Variants in RREB1 observed in about 807,000 individuals in gnomAD.
RREB1 encodes ras responsive element binding protein 1.
RREB1 carries 27 observed loss-of-function variants against 117.8 expected under a neutral mutation model. The ratio of observed to expected loss-of-function variants is 0.23; its 90% CI spans 0.17 to 0.32. The LOEUF (loss-of-function observed/expected upper bound fraction) is 0.32, where lower values mean the gene tolerates loss of function less well. RREB1 is among the 10% of genes least tolerant of loss of function. The pLI, the probability that RREB1 is intolerant of heterozygous loss-of-function variation, is 1.00. For synonymous variants in RREB1, 1,298 were observed against 1,026.7 expected (o/e 1.26, Z -5.05); for missense variants, 2,577 against 2,378.2 (o/e 1.08, Z -1.74).
chr6:7,242,650 C>T (rs554103574), intron 11 of RREB1, among the ~76,000 whole-genome samples: 3 of 150,246 alleles, frequency 2.0e-5, no homozygotes, highest in East Asian at 2.0e-4. Flanking sequence ...GTTCCCCCCC[C>T]CCAGTGAAGT....
chr6:7,230,932 A>G lies in RREB1; in HGVS notation c.2833A>G (p.Lys945Glu), dbSNP rs761054439. 1.2e-6 allele frequency: 2 copies of G among 1,614,040 alleles called. No individual in the cohort carries two copies. Among genetic ancestry groups the G allele is most frequent in the Admixed American group, 3.3e-5 (2 of 60,002 alleles). ...IDLSIPKNFRKGDKDLATPSE... is the reference protein window; with the variant it reads ...IDLSIPKNFREGDKDLATPSE... ...CCTGTCCATCCCCAAGAACTTCAGG[A>G]AAGGGGACAAGGATTTGGCCACTCC... is the stretch of plus-strand genomic sequence containing the variant. Residue 945 changes from lysine (K) to glutamate (E), a missense_variant, in exon 10 of 13, where the codon AAA becomes GAA. Lys to Glu is a moderately conservative substitution (Grantham distance 56, BLOSUM62 1). Transcript: ENST00000379938.
chr6:7,132,195 C>T (rs181436139), intron 1 of RREB1, among the ~76,000 whole-genome samples: 173 of 152,230 alleles, frequency 1.1e-3, no homozygotes, highest in Middle Eastern at 0.01. Flanking sequence ...GCTGGGATTA[C>T]AGGCATGCGC....
At chr6:7,175,088 T>G (rs1484700831) in intron 1 of RREB1, among the ~76,000 whole-genome samples, 1 of 152,164 alleles carries the variant, frequency 6.6e-6, no homozygotes, top group East Asian at 1.9e-4. Flanking sequence ...TGTTATTAAT[T>G]AAAATATGAA....
chr6:7,139,912 T>G (rs941578808), intron 1 of RREB1, among the ~76,000 whole-genome samples: 1 of 152,244 alleles, frequency 6.6e-6, no homozygotes, highest in African/African-American at 2.4e-5. Context: ...AACAGAACTT[T>G]GCCTTTTTCA....
chr6:7,128,998 A>G (rs1403592048), intron 1 of RREB1, among the ~76,000 whole-genome samples: 1 of 152,230 alleles, frequency 6.6e-6, no homozygotes, highest in Non-Finnish European at 1.5e-5. Flanking sequence ...TGAGCTTAAC[A>G]CATTATTTGA....
At chr6:7,188,815 C>T (rs1360171708) in intron 5 of RREB1, among the ~76,000 whole-genome samples, 2 of 152,130 alleles carry the variant, frequency 1.3e-5, no homozygotes, top group African/African-American at 4.8e-5. Flanking sequence ...GGACATATTT[C>T]CTTCACTGTT....
rs1767760739 is a variant in RREB1 at position 7,229,169 on chromosome 6, C to A, written c.1070C>A (p.Ala357Asp). Reference sequence around the variant, plus strand: ...CAGGCCACGCCCCTGCCTGGTGACGCCCTGGACCAGAAGGGCTTCCTGGCC... The same window carrying A: ...CAGGCCACGCCCCTGCCTGGTGACGACCTGGACCAGAAGGGCTTCCTGGCC... ...KPQATPLPGD[A>D]LDQKGFLALL... Residue 357 changes from alanine (A) to aspartate (D), a missense_variant, in exon 10 of 13, where the codon GCC becomes GAC. Ala to Asp is a moderately radical substitution (Grantham distance 126, BLOSUM62 -2). Transcript: ENST00000379938. This position sits in a 1 kb window ranked among gnomAD's most constrained non-coding sequence, Gnocchi z 4.5. 1 of 1,610,512 alleles carries A rather than the reference C, an allele frequency of 6.2e-7. No individual in the cohort carries two copies. Among genetic ancestry groups the A allele is most frequent in the Middle Eastern group, 1.7e-4 (1 of 6,042 alleles).
chr6:7,120,738 G>C (rs1230267890), intron 1 of RREB1, among the ~76,000 whole-genome samples: 1 of 150,250 alleles, frequency 6.7e-6, no homozygotes, highest in African/African-American at 2.5e-5. Context: ...CCTCGACCTC[G>C]TGGGCCCAAG....
At chr6:7,148,241 A>G (rs1303247407) in intron 1 of RREB1, among the ~76,000 whole-genome samples, 2 of 152,174 alleles carry the variant, frequency 1.3e-5, no homozygotes, top group African/African-American at 2.4e-5. Flanking sequence ...TACTGTAGAT[A>G]CAGCCCTGGC....
chr6:7,181,618 C>T lies in RREB1; in HGVS notation c.-42-252C>T, dbSNP rs564503959. 41 of 579,012 alleles carry T rather than the reference C, an allele frequency of 7.1e-5. No homozygotes were observed. The Admixed American group carries it at 1.2e-3, about 17-fold the overall frequency. The allele number at this position is 579,012 out of a possible 1,614,324, so 35.9% of individuals were successfully genotyped here. A position where few individuals can be genotyped will look rare whatever the true frequency, so the allele number is the denominator to read the frequency against. On this transcript the variant is annotated intron_variant, in intron 3 of 12. Transcript: ENST00000379938. ...TTAGGAAAGGTAGAGAAACCTGCCT[C>T]TCATGAGTTTGAGTCCTGTTGGTAG...
At position 7,249,799 on chromosome 6, in the gene RREB1, A is replaced by ATGTTAT. The variant is rs570695709; in HGVS notation, c.*832_*833insGTTATT. 4 of 150,408 alleles carry ATGTTAT rather than the reference A, an allele frequency of 2.7e-5. No individual in the cohort carries two copies. Among genetic ancestry groups the ATGTTAT allele is most frequent in the African/African-American group, 9.8e-5 (4 of 40,962 alleles). The allele number at this position is 150,408 out of a possible 1,614,324, so 9.3% of individuals were successfully genotyped here. A position where few individuals can be genotyped will look rare whatever the true frequency, so the allele number is the denominator to read the frequency against. ...TTCCCTTTCAGTATATGTATTATTAATATTATTATTATTATTATTATTATT... is the reference window on the plus strand; with the variant it reads ...TTCCCTTTCAGTATATGTATTATTAATGTTATTATTATTATTATTATTATTATTATT... On this transcript the variant is annotated 3_prime_UTR_variant, in exon 13 of 13. Coordinates refer to ENST00000379938, the MANE Select transcript of RREB1 (RefSeq NM_001003699.4).
intron 6 of RREB1, among the ~76,000 whole-genome samples, chr6:7,208,092 A>G (rs1479930272): frequency 6.6e-6 from 1 of 152,132 alleles, no homozygotes; most frequent in Non-Finnish European, 1.5e-5. Flanking sequence ...ATTGACTCTC[A>G]GGATGCGTGG....
At chr6:7,216,069 A>G (rs562874204) in intron 8 of RREB1, 1 of 152,378 alleles carries the variant, frequency 6.6e-6, no homozygotes, top group African/African-American at 2.4e-5. Flanking sequence ...AGTTCGGGTA[A>G]TAAGTAACGT....
chr6:7,192,116 A>ATTTTTTTTTT (rs34074532), intron 6 of RREB1, among the ~76,000 whole-genome samples: 9 of 15,320 alleles, frequency 5.9e-4, no homozygotes, highest in East Asian at 3.5e-3. Context: ...TTGTCAGATG[A>ATTTTTTTTTT]TTTTTTTTTT....
rs1769275236 is a variant in RREB1, at chr6:7,248,905, G to A, written c.5166G>A (p.Lys1722=). ...LGQDLLEPRS[K]RPAHPILATA... is the part of the protein sequence containing the mutation. Reference sequence around the variant, plus strand: ...AGGACCTGCTGGAGCCGCGCAGCAAGAGGCCTGCCCACCCAATCCTGGCCA... The same window carrying A: ...AGGACCTGCTGGAGCCGCGCAGCAAAAGGCCTGCCCACCCAATCCTGGCCA... The change falls in exon 13 of 13, where the codon AAG becomes AAA. Residue 1722 remains lysine (K), a synonymous_variant. Coordinates refer to ENST00000379938, the MANE Select transcript of RREB1 (RefSeq NM_001003699.4). 1.3e-6 allele frequency: 2 copies of A among 1,556,680 alleles called. No homozygotes were observed. Among genetic ancestry groups the A allele is most frequent in the South Asian group, 1.2e-5 (1 of 84,516 alleles).
chr6:7,123,696 C>T (rs1484415422), intron 1 of RREB1, among the ~76,000 whole-genome samples: 11 of 149,182 alleles, frequency 7.4e-5, no homozygotes, highest in Non-Finnish European at 8.9e-5. Flanking sequence ...CTGCAAGCTC[C>T]GCCTCCTGGG....
In RREB1 at chr6:7,108,316, TTCC is replaced by T. The variant is rs143321297; in HGVS notation, c.-285+278_-285+280del. On this transcript the variant is annotated intron_variant, in intron 1 of 12. Transcript: ENST00000379938. Reference sequence around the variant, plus strand: ...TCCCCTCGGGCTGCGCGCCGGGCCATTCCTCCTCCTCCTCCTCCTCCTCCCCTT... The same window carrying T: ...TCCCCTCGGGCTGCGCGCCGGGCCATTCCTCCTCCTCCTCCTCCTCCCCTT... Among the ~76,000 whole-genome samples, 257 of 148,168 alleles carry T rather than the reference TTCC, an allele frequency of 1.7e-3. 2 individuals are homozygous for T. The highest frequency in any genetic ancestry group is 1.4e-3 in the African/African-American group (58 of 40,660).
intron 6 of RREB1, among the ~76,000 whole-genome samples, chr6:7,195,852 T>TGAGGACATGGCC (rs1435356632): frequency 2.6e-5 from 4 of 152,218 alleles, no homozygotes; most frequent in Non-Finnish European, 4.4e-5. Context: ...CTGTGCCAGT[T>TGAGGACATGGCC]TCATCTGACA....
chr6:7,243,429 G>A (rs975934653), intron 11 of RREB1, among the ~76,000 whole-genome samples: 2 of 152,156 alleles, frequency 1.3e-5, no homozygotes, highest in Non-Finnish European at 1.5e-5. Context: ...GATGGGGAGA[G>A]GGAAGAACTG....
Sources: allele counts gnomAD v4.1 joint callset (sites outside exome capture counted in the v4.1 genomes callset), GRCh38; gene constraint gnomAD v4.1.1; non-coding constraint Gnocchi (gnomAD v3.1); transcripts MANE v1.5; gene names NCBI Gene and HGNC (gene_info 2026-07-23, HGNC 2026-07-21).